CC2D2A: variants seen among roughly 807,000 people sequenced by gnomAD.
CC2D2A encodes coiled-coil and C2 domain-containing protein 2A.
Under a neutral mutation model 212.9 loss-of-function variants are expected in CC2D2A, and 155 were observed. The ratio of observed to expected loss-of-function variants is 0.73; its 90% CI spans 0.64 to 0.83. The LOEUF (loss-of-function observed/expected upper bound fraction) is 0.83. CC2D2A is among the 40% of genes least tolerant of loss of function. The pLI is 0.00. For synonymous variants in CC2D2A, 667 were observed against 686.5 expected, an observed-to-expected ratio of 0.97 and a Z score of 0.44; for missense variants, 1,856 against 1,956.2, an observed-to-expected ratio of 0.95 and a Z score of 0.97.
In CC2D2A at chr4:15,550,894, C is replaced by G; in HGVS notation, c.2252C>G (p.Thr751Ser). The change falls in exon 18 of 37, where the codon ACT (threonine) becomes AGT (serine). Residue 751 changes from threonine to serine, a missense_variant. Physicochemically the swap from Thr to Ser is moderately conservative, Grantham distance 58 (BLOSUM62 1). This residue lies in a region of CC2D2A where 1,512 missense variants were observed against 1,579.3 expected (regional missense o/e 0.96). Coordinates refer to ENST00000424120, the MANE Select transcript of CC2D2A (RefSeq NM_001378615.1). ...AEVFLPIPETTVVTGRAPTEE... is the reference protein window; with the variant it reads ...AEVFLPIPETSVVTGRAPTEE... ...GTGTTTCTGCCTATTCCTGAGACTACTGTTGTCACTGGAAGGGCTCCTACT... is the reference window on the plus strand; with the variant it reads ...GTGTTTCTGCCTATTCCTGAGACTAGTGTTGTCACTGGAAGGGCTCCTACT... 6.2e-7 allele frequency: 1 copy of G among 1,608,988 alleles called. No homozygotes were observed. The highest frequency in any genetic ancestry group is 8.5e-7 in the Non-Finnish European group (1 of 1,175,916).
intron 11 of CC2D2A, among the ~76,000 whole-genome samples, chr4:15,517,510 C>T (rs1716952098): frequency 6.6e-6 from 1 of 152,196 alleles, no homozygotes; most frequent in Admixed American, 6.5e-5. Flanking sequence ...CCTTGCTCTA[C>T]CATTCACTGG....
At chr4:15,496,431 C>T (rs1027494783) in intron 4 of CC2D2A, among the ~76,000 whole-genome samples, 14 of 152,018 alleles carry the variant, frequency 9.2e-5, no homozygotes, top group Admixed American at 6.6e-5. Flanking sequence ...AAAGAGTCTT[C>T]TGCACATGGC....
At chr4:15,478,671 T>C in intron 2 of CC2D2A, 52 bp from the exon 3 acceptor site, 2 of 1,387,820 alleles carry the variant, frequency 1.4e-6, no homozygotes, top group Non-Finnish European at 9.9e-7. Flanking sequence ...TACCTAAAAG[T>C]CATACCTCTC....
At position 15,500,107 on chromosome 4, in the gene CC2D2A, G is replaced by GTGTGTGTA. The variant is rs1479141284; in HGVS notation, c.248-2321_248-2320insGTGTGTAT. Among the ~76,000 whole-genome samples the GTGTGTGTA allele has an allele frequency of 7.8e-4, 88 of 112,940 alleles. 1 individual carries two copies. The highest frequency in any genetic ancestry group is 1.3e-3 in the Non-Finnish European group (74 of 57,006). 74.1% of individuals were successfully genotyped at this position (112,940 alleles called of 152,430 possible). A position where few individuals can be genotyped will look rare whatever the true frequency, so the allele number is the denominator to read the frequency against. On this transcript the variant is annotated intron_variant, in intron 4 of 36. Coordinates refer to ENST00000424120, the MANE Select transcript of CC2D2A (RefSeq NM_001378615.1). ...TGTGTGTGTGTGTGTGTGTGTGTGT[G>GTGTGTGTA]TATATATATATATATATATATATAT...
At chr4:15,532,420 G>T (rs949549027) in intron 13 of CC2D2A, among the ~76,000 whole-genome samples, 7 of 152,084 alleles carry the variant, frequency 4.6e-5, no homozygotes, top group Admixed American at 1.3e-4. Context: ...TACATCCTTG[G>T]TTCCTCATGA....
Position 15,574,762 on chromosome 4 carries a change from T to G in CC2D2A, c.3771+436T>G, listed in dbSNP as rs115343774. Among the ~76,000 whole-genome samples the G allele has an allele frequency of 8.5e-3, 1,292 of 152,332 alleles. 22 individuals are homozygous for G. The highest frequency in any genetic ancestry group is 0.029 in the African/African-American group (1,222 of 41,576). On this transcript the variant is annotated intron_variant, in intron 29 of 36. Coordinates refer to ENST00000424120, the MANE Select transcript of CC2D2A (RefSeq NM_001378615.1). ...CTATGGTATGCATTGAATCAATTCA[T>G]AGGATCATAAGACTAGATGACCTTC...
At chr4:15,557,081 G>C (rs556860656) in intron 20 of CC2D2A, among the ~76,000 whole-genome samples, 2 of 152,252 alleles carry the variant, frequency 1.3e-5, no homozygotes, top group African/African-American at 4.8e-5. Flanking sequence ...AACACCAAAA[G>C]TGAAACATAT....
At position 15,566,045 on chromosome 4, in the gene CC2D2A, G is replaced by A. The variant is rs552697479; in HGVS notation, c.3183-1332G>A. ...TGTGAAAGGTGATAGTCTATAGAAAGAGACTATTTGTATTTTGCCCAGTGA... is the reference window on the plus strand; with the variant it reads ...TGTGAAAGGTGATAGTCTATAGAAAAAGACTATTTGTATTTTGCCCAGTGA... On this transcript the variant is annotated intron_variant, in intron 24 of 36. Coordinates refer to ENST00000424120, the MANE Select transcript of CC2D2A (RefSeq NM_001378615.1). 2.0e-5 allele frequency among the ~76,000 whole-genome samples: 3 copies of A among 152,364 alleles called. No individual in the cohort carries two copies. The East Asian group carries it at 5.8e-4, about 29-fold the overall frequency.
intron 1 of CC2D2A, among the ~76,000 whole-genome samples, chr4:15,471,704 T>C (rs1320486496): frequency 6.6e-6 from 1 of 151,872 alleles, no homozygotes; most frequent in Non-Finnish European, 1.5e-5. Flanking sequence ...AAAGCTGAAG[T>C]TGGAACTCAG....
chr4:15,521,764 C>A (rs796826347), intron 11 of CC2D2A, among the ~76,000 whole-genome samples: 3 of 152,214 alleles, frequency 2.0e-5, no homozygotes, highest in South Asian at 4.1e-4. Flanking sequence ...GACTTTGCTG[C>A]GTGTATTAAA....
intron 24 of CC2D2A, among the ~76,000 whole-genome samples, chr4:15,565,839 T>C (rs186625872): frequency 9.9e-5 from 15 of 152,266 alleles, no homozygotes; most frequent in Admixed American, 6.5e-4. Context: ...CTTGAACTCC[T>C]GGGCTCAAGC....
At position 15,516,022 on chromosome 4, in the gene CC2D2A, G is replaced by A; in HGVS notation, c.1017+18G>A. The A allele has an allele frequency of 6.3e-7, 1 of 1,575,360 alleles. No individual in the cohort carries two copies. Among genetic ancestry groups the A allele is most frequent in the Non-Finnish European group, 8.6e-7 (1 of 1,160,572 alleles). On this transcript the variant is annotated intron_variant, in intron 10 of 36. Transcript: ENST00000424120. Reference sequence around the variant, plus strand: ...AGGACCCCGTAAGTGTGCACCCTCTGCTCTCAGGTGTAGCCTGGGCACACT... The same window carrying A: ...AGGACCCCGTAAGTGTGCACCCTCTACTCTCAGGTGTAGCCTGGGCACACT...
At chr4:15,599,774 T>C in intron 36 of CC2D2A, 68 bp downstream of exon 36, 6 of 1,306,762 alleles carry the variant, frequency 4.6e-6, no homozygotes, top group Non-Finnish European at 6.2e-6. Context: ...TAGCCAATAA[T>C]AGGTTTCTGG....
At chr4:15,487,505 C>T (rs536313728) in intron 4 of CC2D2A, among the ~76,000 whole-genome samples, 3 of 152,102 alleles carry the variant, frequency 2.0e-5, no homozygotes, top group African/African-American at 7.2e-5. Context: ...ACTTTTTCTA[C>T]CCCTTTATTT....
chr4:15,504,547 C>T (rs149101661), intron 6 of CC2D2A, among the ~76,000 whole-genome samples: 178 of 152,248 alleles, frequency 1.2e-3, no homozygotes, highest in African/African-American at 4.1e-3. Context: ...AATCATTTCA[C>T]AGCATCATTT....
rs566818029 is a variant in CC2D2A, at chr4:15,521,706, G to A, written c.1149+4950G>A. 8.5e-5 allele frequency among the ~76,000 whole-genome samples: 13 copies of A among 152,304 alleles called. No homozygotes were observed. In the South Asian group the frequency reaches 1.5e-3, roughly 17 times the overall value. On this transcript the variant is annotated intron_variant, in intron 11 of 36. Coordinates refer to ENST00000424120, the MANE Select transcript of CC2D2A (RefSeq NM_001378615.1). Reference sequence around the variant, plus strand: ...AGTCTTCTACTTAGCAGTGTGCCTGGCACATAGAAATACCTCAATAAAAGC... The same window carrying A: ...AGTCTTCTACTTAGCAGTGTGCCTGACACATAGAAATACCTCAATAAAAGC...
chr4:15,530,859 C>T (rs540493019), intron 13 of CC2D2A, among the ~76,000 whole-genome samples: 60 of 151,944 alleles, frequency 3.9e-4, no homozygotes, highest in African/African-American at 1.4e-3. Flanking sequence ...GCAGTTAACC[C>T]GGGCCAGCAC....
At chr4:15,508,612 A>G (rs1002430504) in intron 6 of CC2D2A, among the ~76,000 whole-genome samples, 1 of 152,226 alleles carries the variant, frequency 6.6e-6, no homozygotes, top group Non-Finnish European at 1.5e-5. Flanking sequence ...TTCAACTGCC[A>G]AGCTCTACAA....
chr4:15,570,532 G>T, intron 28 of CC2D2A, 36 bp downstream of exon 28: 1 of 1,396,628 alleles, frequency 7.2e-7, no homozygotes, highest in South Asian at 1.2e-5. Flanking sequence ...TGAGAGCAGG[G>T]AATTTCTCTA....
Sources: gnomAD v4.1 joint callset for allele counts (sites outside exome capture counted in the v4.1 genomes callset) on GRCh38, gnomAD v4.1.1 for gene constraint, gnomAD v4.1.1 regional missense constraint, MANE v1.5 for transcripts, NCBI Gene and HGNC (gene_info 2026-07-23, HGNC 2026-07-21) for gene names.